The following CDIP1 variants were observed in gnomAD, a reference collection of about 807,000 sequenced individuals.
CDIP1 encodes cell death inducing p53 target 1.
In CDIP1, 9 loss-of-function variants were observed where a neutral mutation model predicts 17.7. The ratio of observed to expected loss-of-function variants is 0.51; its 90% CI spans 0.31 to 0.89. The LOEUF (loss-of-function observed/expected upper bound fraction) is 0.89. Ranked by LOEUF, CDIP1 falls within the 40% of genes least tolerant of loss-of-function variation. CDIP1 has a pLI of 0.05. For missense variants in CDIP1, 263 were observed against 277.9 expected (o/e 0.95, Z 0.38); for synonymous variants, 117 against 109.5 (o/e 1.07, Z -0.43).
In CDIP1 at chr16:4,538,718, G is replaced by C. The variant is rs567847140; in HGVS notation, c.-121C>G. ...TCGACTCACCGTCCCCGCAGCCCTGGGGCAGCGGCCGCAACAGCAGGACCG... is the reference window on the plus strand; with the variant it reads ...TCGACTCACCGTCCCCGCAGCCCTGCGGCAGCGGCCGCAACAGCAGGACCG... On this transcript the variant is annotated 5_prime_UTR_variant, in exon 1 of 6. Transcript: ENST00000567695. 5.3e-5 allele frequency: 8 copies of C among 152,366 alleles called. No homozygotes were observed. The highest frequency in any genetic ancestry group is 1.7e-4 in the African/African-American group (7 of 41,572). The allele number at this position is 152,366 out of a possible 1,614,324, so 9.4% of individuals were successfully genotyped here.
Position 4,512,784 on chromosome 16 carries a change from C to G in CDIP1, c.515+7G>C. ...GCCCCCACCCTACCAGTGCCCACAC[C>G]ACCTACCCCATGAAGCAACAGAAGA... On this transcript the variant is annotated splice_region_variant and intron_variant, in intron 5 of 5. Transcript: ENST00000567695. This position sits in a 1 kb window ranked among gnomAD's most constrained non-coding sequence, Gnocchi z 4.6. 6.3e-7 allele frequency: 1 copy of G among 1,587,416 alleles called. No individual in the cohort carries two copies. The highest frequency in any genetic ancestry group is 8.6e-7 in the Non-Finnish European group (1 of 1,166,550).
At chr16:4,517,837 G>T (rs369732095) in intron 1 of CDIP1, among the ~76,000 whole-genome samples, 2 of 152,056 alleles carry the variant, frequency 1.3e-5, no homozygotes, top group East Asian at 3.9e-4. Context: ...TAGCCTGCCA[G>T]GTGCCCTCCT....
intron 1 of CDIP1, among the ~76,000 whole-genome samples, chr16:4,526,386 T>C (rs1413650467): frequency 5.9e-5 from 8 of 136,156 alleles, no homozygotes; most frequent in African/African-American, 1.7e-4. Flanking sequence ...GCCCGGGCAA[T>C]AGTCTGAGAA....
At chr16:4,523,999 A>C (rs1179850338) in intron 1 of CDIP1, 2 of 152,256 alleles carry the variant, frequency 1.3e-5, no homozygotes, top group Non-Finnish European at 2.9e-5. Context: ...GGCACCATTC[A>C]GCCTTGTTGC....
In CDIP1 at chr16:4,513,739, G is replaced by A. The variant is rs2058858081; in HGVS notation, c.198C>T (p.Phe66=). The change falls in exon 4 of 6, where the codon TTC becomes TTT. Residue 66 remains phenylalanine, a synonymous_variant. Transcript: ENST00000567695. The surrounding 1 kb of genome is among the most constrained non-coding windows in gnomAD (Gnocchi z 4.1). ...CATCTGCACTCATGTGTGGTGGGATGAAGCCAGGCTGGGGCATTGGGTGAC... is the reference window on the plus strand; with the variant it reads ...CATCTGCACTCATGTGTGGTGGGATAAAGCCAGGCTGGGGCATTGGGTGAC... The part of the protein sequence containing the change: ...PPGHPMPQPG[F]IPPHMSADGT... The A allele has an allele frequency of 2.5e-6, 4 of 1,613,760 alleles. No individual in the cohort carries two copies. The highest frequency in any genetic ancestry group is 1.3e-5 in the African/African-American group (1 of 75,040).
chr16:4,523,612 A>C (rs2058972692), intron 1 of CDIP1, among the ~76,000 whole-genome samples: 1 of 152,166 alleles, frequency 6.6e-6, no homozygotes, highest in Non-Finnish European at 1.5e-5. Context: ...AAAAAACCAC[A>C]AACACAATTA....
In CDIP1 at chr16:4,512,227, G is replaced by C. The variant is rs368536573; in HGVS notation, c.*345C>G. ...GGCTGCTGTTGGTCCCAGGGGGAAA[G>C]AGTCTGGACTGAACCTGTACCTTGT... On this transcript the variant is annotated 3_prime_UTR_variant, in exon 6 of 6. Transcript: ENST00000567695. This position sits in a 1 kb window ranked among gnomAD's most constrained non-coding sequence, Gnocchi z 4.6. 2 of 324,976 alleles carry C rather than the reference G, an allele frequency of 6.2e-6. No homozygotes were observed. Among genetic ancestry groups the C allele is most frequent in the Non-Finnish European group, 5.9e-6 (1 of 169,562 alleles). 20.1% of individuals were successfully genotyped at this position (324,976 alleles called of 1,614,324 possible). A position where few individuals can be genotyped will look rare whatever the true frequency, so the allele number is the denominator to read the frequency against.
chr16:4,538,253 T>G (rs1475345746), intron 1 of CDIP1: 1 of 151,996 alleles, frequency 6.6e-6, no homozygotes, highest in Non-Finnish European at 1.5e-5. Flanking sequence ...AGGGCCGCGC[T>G]AGGTCTCGGC....
chr16:4,532,154 A>C (rs187629279), intron 1 of CDIP1: 1 of 152,382 alleles, frequency 6.6e-6, no homozygotes, highest in East Asian at 1.9e-4. Flanking sequence ...TCAGGCAATG[A>C]CGGAGCACAT....
At chr16:4,527,281 G>T (rs570250154) in intron 1 of CDIP1, among the ~76,000 whole-genome samples, 1 of 152,114 alleles carries the variant, frequency 6.6e-6, no homozygotes, top group South Asian at 2.1e-4. Context: ...TAGAGACGGG[G>T]TTTCACCGTG....
chr16:4,515,899 C>T (rs1248131233), intron 1 of CDIP1, among the ~76,000 whole-genome samples: 1 of 152,122 alleles, frequency 6.6e-6, no homozygotes, highest in East Asian at 1.9e-4. Flanking sequence ...CCTAGAGTTA[C>T]CAGATGACCC....
chr16:4,526,363 C>G (rs542839706), intron 1 of CDIP1, among the ~76,000 whole-genome samples: 17 of 151,874 alleles, frequency 1.1e-4, no homozygotes, highest in African/African-American at 4.1e-4. Context: ...CGAGATCACA[C>G]CGTCGCACTC....
At chr16:4,526,691 C>CTCCA (rs1158227262) in intron 1 of CDIP1, among the ~76,000 whole-genome samples, 2 of 148,792 alleles carry the variant, frequency 1.3e-5, no homozygotes, top group Non-Finnish European at 3.0e-5. Context: ...CAGAGTGAGA[C>CTCCA]TCCATCTCAA....
chr16:4,521,825 CAG>C (rs1399769849), intron 1 of CDIP1, among the ~76,000 whole-genome samples: 26 of 151,554 alleles, frequency 1.7e-4, no homozygotes, highest in Non-Finnish European at 4.4e-5. Flanking sequence ...CCTCTGTAAA[CAG>C]AGATGATCAT....
Position 4,534,113 on chromosome 16 carries a change from G to A in CDIP1, c.-105+4589C>T, listed in dbSNP as rs539305298. 2.6e-5 allele frequency among the ~76,000 whole-genome samples: 4 copies of A among 152,140 alleles called. No homozygotes were observed. The South Asian group carries it at 8.3e-4, about 32-fold the overall frequency. Reference sequence around the variant, plus strand: ...TTACAGGCACCTGCCCCCACACCTGGTTAATTTTTGTATTTTTAGTAGAGG... The same window carrying A: ...TTACAGGCACCTGCCCCCACACCTGATTAATTTTTGTATTTTTAGTAGAGG... On this transcript the variant is annotated intron_variant, in intron 1 of 5. Transcript: ENST00000567695.
At position 4,512,583 on chromosome 16, in the gene CDIP1, G is replaced by C; in HGVS notation, c.616C>G (p.Arg206Gly). The change falls in exon 6 of 6, where the codon CGC becomes GGC. Residue 206 changes from arginine to glycine, a missense_variant. By Grantham distance (125) the Arg-to-Gly change is moderately radical (BLOSUM62 -2). Transcript: ENST00000567695. This position sits in a 1 kb window ranked among gnomAD's most constrained non-coding sequence, Gnocchi z 4.6. ...SCKAYIYTYKRLC is the reference protein window; with the variant it reads ...SCKAYIYTYKGLC ...GAGTCCCAGCTCCGTTAGCACAGGC[G>C]CTTGTACGTGTAGATGTAGGCTTTG... The C allele has an allele frequency of 6.2e-7, 1 of 1,612,846 alleles. No homozygotes were observed. The highest frequency in any genetic ancestry group is 8.5e-7 in the Non-Finnish European group (1 of 1,178,898).
intron 1 of CDIP1, among the ~76,000 whole-genome samples, chr16:4,517,446 G>A (rs1567414697): frequency 1.3e-5 from 2 of 152,156 alleles, no homozygotes; most frequent in South Asian, 2.1e-4. Context: ...TAAGAAAAGG[G>A]AGCAGTGGCC....
At position 4,512,307 on chromosome 16, in the gene CDIP1, C is replaced by T. The variant is rs535358909; in HGVS notation, c.*265G>A. On this transcript the variant is annotated 3_prime_UTR_variant, in exon 6 of 6. Coordinates refer to ENST00000567695, the MANE Select transcript of CDIP1 (RefSeq NM_013399.3). The surrounding 1 kb of genome is among the most constrained non-coding windows in gnomAD (Gnocchi z 4.6). ...GGAGACCCCTCCCAGCTTATCTTCC[C>T]GATCACACACACCAAGCAGACCAAC... The T allele has an allele frequency of 6.7e-5, 37 of 553,274 alleles. No homozygotes were observed. The highest frequency in any genetic ancestry group is 2.2e-4 in the Admixed American group (7 of 32,124). The allele number at this position is 553,274 out of a possible 1,614,324, so 34.3% of individuals were successfully genotyped here.
At chr16:4,531,397 T>C (rs902945906) in intron 1 of CDIP1, among the ~76,000 whole-genome samples, 4 of 151,762 alleles carry the variant, frequency 2.6e-5, no homozygotes, top group African/African-American at 7.3e-5. Flanking sequence ...TGACCTCAAG[T>C]GATCCTTCTG....
Sources: allele counts gnomAD v4.1 joint callset (sites outside exome capture counted in the v4.1 genomes callset), GRCh38; gene constraint gnomAD v4.1.1; non-coding constraint Gnocchi (gnomAD v3.1); transcripts MANE v1.5; gene names NCBI Gene and HGNC (gene_info 2026-07-23, HGNC 2026-07-21).